The following SDK2 variants were observed in gnomAD, a reference collection of about 807,000 sequenced individuals.
SDK2 encodes sidekick cell adhesion molecule 2, also known as protein sidekick-2.
SDK2 carries 105 observed loss-of-function variants against 253.9 expected under a neutral mutation model. The ratio of observed to expected loss-of-function variants is 0.41; its 90% CI spans 0.35 to 0.49. The LOEUF (loss-of-function observed/expected upper bound fraction) is 0.49. SDK2 is among the 20% of genes least tolerant of loss of function. The pLI is 0.06. For synonymous variants in SDK2, 1,249 were observed against 1,234.9 expected, an observed-to-expected ratio of 1.01 and a Z score of -0.24; for missense variants, 2,608 against 3,003.0, an observed-to-expected ratio of 0.87 and a Z score of 3.07.
At chr17:73,604,546 C>A (rs2045882846) in intron 1 of SDK2, among the ~76,000 whole-genome samples, 1 of 152,250 alleles carries the variant, frequency 6.6e-6, no homozygotes, top group Non-Finnish European at 1.5e-5. Flanking sequence ...CCTCCTGTTC[C>A]TTGCCCTGCT....
chr17:73,433,203 GAGTT>G (rs2145613516), intron 10 of SDK2, among the ~76,000 whole-genome samples: 1 of 152,266 alleles, frequency 6.6e-6, no homozygotes, highest in South Asian at 2.1e-4. Context: ...GGCTCAGAGT[GAGTT>G]AGTAACTCAC....
chr17:73,380,832 C>T (rs2062823913), intron 34 of SDK2, 62 bp downstream of exon 34: 1 of 1,432,336 alleles, frequency 7.0e-7, no homozygotes, highest in Non-Finnish European at 9.6e-7. Context: ...TCAAGGAGGC[C>T]CCACTCCCAA....
chr17:73,638,116 A>C (rs1394057007), intron 1 of SDK2, among the ~76,000 whole-genome samples: 1 of 152,206 alleles, frequency 6.6e-6, no homozygotes, highest in Non-Finnish European at 1.5e-5. Flanking sequence ...GACGAGAGGC[A>C]TTTCACAAGT....
At chr17:73,595,587 T>C (rs867206311) in intron 1 of SDK2, among the ~76,000 whole-genome samples, 2 of 152,252 alleles carry the variant, frequency 1.3e-5, no homozygotes, top group South Asian at 2.1e-4. Context: ...TAGGGAGGTA[T>C]GGAGTCACCA....
intron 1 of SDK2, among the ~76,000 whole-genome samples, chr17:73,544,585 GATGGACAGAATGGATAC>G (rs1471058619): frequency 6.6e-6 from 1 of 152,186 alleles, no homozygotes; most frequent in East Asian, 1.9e-4. Context: ...TGTGTGTATG[GATGGACAGAATGGATAC>G]ATGGACAGAT....
chr17:73,557,451 T>C (rs2045161747), intron 1 of SDK2, among the ~76,000 whole-genome samples: 1 of 152,066 alleles, frequency 6.6e-6, no homozygotes, highest in African/African-American at 2.4e-5. Flanking sequence ...TACAGGTGTG[T>C]ACCACCACAT....
chr17:73,527,459 C>T (rs1384715210), intron 1 of SDK2, among the ~76,000 whole-genome samples: 1 of 152,146 alleles, frequency 6.6e-6, no homozygotes, highest in East Asian at 1.9e-4. Flanking sequence ...GGAAAGACAG[C>T]CTGGCCCATT....
intron 2 of SDK2, among the ~76,000 whole-genome samples, chr17:73,484,892 G>A (rs1465579179): frequency 6.6e-6 from 1 of 152,188 alleles, no homozygotes; most frequent in Non-Finnish European, 1.5e-5. Context: ...GGGCTCAAAT[G>A]ATCCTCTTTC....
intron 9 of SDK2, among the ~76,000 whole-genome samples, chr17:73,434,989 C>A (rs2063355989): frequency 6.6e-6 from 1 of 152,176 alleles, no homozygotes; most frequent in Non-Finnish European, 1.5e-5. Flanking sequence ...GCAACTATGG[C>A]AACCCCTGAC....
chr17:73,389,903 C>A (rs1004426113), intron 29 of SDK2, among the ~76,000 whole-genome samples: 1 of 152,192 alleles, frequency 6.6e-6, no homozygotes, highest in Non-Finnish European at 1.5e-5. Context: ...GTGTGTGCCA[C>A]CACGCTGGCT....
intron 1 of SDK2, among the ~76,000 whole-genome samples, chr17:73,632,196 T>C (rs373782480): frequency 3.3e-5 from 5 of 152,312 alleles, no homozygotes; most frequent in Admixed American, 2.0e-4. Flanking sequence ...GGATGCAAAG[T>C]ATGGTTCTTG....
rs748744042 is a variant in SDK2, at chr17:73,379,502, C to T, written c.4810G>A (p.Ala1604Thr). The T allele has an allele frequency of 4.7e-5, 76 of 1,612,404 alleles. No individual in the cohort carries two copies. The South Asian group carries it at 6.6e-4, about 14-fold the overall frequency. Residue 1604 changes from alanine to threonine, a missense_variant, in exon 35 of 45, where the codon GCT becomes ACT. Ala to Thr is a moderately conservative substitution (Grantham distance 58). Coordinates refer to ENST00000392650, the MANE Select transcript of SDK2 (RefSeq NM_001144952.2). This position sits in a 1 kb window ranked among gnomAD's most constrained non-coding sequence, Gnocchi z 4.5. ...RYEIRMSVYN[A>T]VGEGPSSPPQ... ...GGGCTGGAGGGCCCCTCACCCACAG[C>T]GTTGTACACGCTCATCCGTATCTCG...
chr17:73,504,113 G>A lies in SDK2; in HGVS notation c.224+3325C>T, dbSNP rs572422752. Among the ~76,000 whole-genome samples, 68 of 151,664 alleles carry A rather than the reference G, an allele frequency of 4.5e-4. No homozygotes were observed. The Middle Eastern group carries it at 0.014, about 30-fold the overall frequency. ...TGGTCTCCTCTGTAAATAATGAGAAGGCAAAAAAGGTGTCAGGGGATATGT... is the reference window on the plus strand; with the variant it reads ...TGGTCTCCTCTGTAAATAATGAGAAAGCAAAAAAGGTGTCAGGGGATATGT... On this transcript the variant is annotated intron_variant, in intron 2 of 44. Transcript: ENST00000392650.
chr17:73,404,576 A>G (rs765954121), intron 18 of SDK2, among the ~76,000 whole-genome samples: 5 of 152,210 alleles, frequency 3.3e-5, no homozygotes, highest in Non-Finnish European at 7.3e-5. Flanking sequence ...GAGCTTGCAC[A>G]TGGACCTACT....
intron 1 of SDK2, among the ~76,000 whole-genome samples, chr17:73,530,115 C>T (rs1407745110): frequency 6.6e-6 from 1 of 152,184 alleles, no homozygotes; most frequent in Non-Finnish European, 1.5e-5. Context: ...TTATGCTTTG[C>T]TCTAGCTTCT....
At chr17:73,354,855 C>T (rs2062572618) in intron 40 of SDK2, among the ~76,000 whole-genome samples, 1 of 152,078 alleles carries the variant, frequency 6.6e-6, no homozygotes, top group South Asian at 2.1e-4. Context: ...CAGTTCAAGG[C>T]CGCCCTTCCC....
At chr17:73,566,905 A>G (rs1483179611) in intron 1 of SDK2, among the ~76,000 whole-genome samples, 3 of 152,074 alleles carry the variant, frequency 2.0e-5, no homozygotes, top group Non-Finnish European at 4.4e-5. Flanking sequence ...GTAAAAACTT[A>G]GAAAATTTCC....
At chr17:73,588,722 A>G (rs1336366709) in intron 1 of SDK2, among the ~76,000 whole-genome samples, 2 of 152,194 alleles carry the variant, frequency 1.3e-5, no homozygotes, top group Non-Finnish European at 1.5e-5. Context: ...CTCTAAGAAC[A>G]ATCTGGCCCA....
Position 73,380,930 on chromosome 17 carries a change from G to C in SDK2, c.4726C>G (p.Leu1576Val). 6.4e-7 allele frequency: 1 copy of C among 1,564,884 alleles called. No homozygotes were observed. Among genetic ancestry groups the C allele is most frequent in the South Asian group, 1.2e-5 (1 of 84,804 alleles). The change falls in exon 34 of 45, where the codon CTG becomes GTG. Residue 1576 changes from leucine to valine, a missense_variant. By Grantham distance (32) the Leu-to-Val change is conservative. Transcript: ENST00000392650. ...TACTGCGTGAGGCTGGGCCGGCTCA[G>C]GTTCCGCATGGAGTACATGGCTATG... is the stretch of plus-strand genomic sequence containing the variant. ...ELTSMYSMRN[L>V]SRPSLTQYEL...
Sources: allele counts gnomAD v4.1 joint callset (sites outside exome capture counted in the v4.1 genomes callset), GRCh38; gene constraint gnomAD v4.1.1; non-coding constraint Gnocchi (gnomAD v3.1); transcripts MANE v1.5; gene names NCBI Gene and HGNC (gene_info 2026-07-23, HGNC 2026-07-21).